Variants in MVP observed in about 807,000 individuals in gnomAD.
MVP encodes the protein lung resistance-related protein.
Under a neutral mutation model 83.5 loss-of-function variants are expected in MVP, and 62 were observed. That is an observed-to-expected ratio of 0.74 (90% confidence interval 0.61 to 0.92). MVP has a LOEUF of 0.92. Ranked by LOEUF, MVP falls within the 40% of genes least tolerant of loss-of-function variation. The pLI is 0.00. For missense variants in MVP, 1,000 were observed against 1,203.4 expected, an observed-to-expected ratio of 0.83 and a Z score of 2.50; for synonymous variants, 505 against 504.1, an observed-to-expected ratio of 1.00 and a Z score of -0.02.
intron 6 of MVP, among the ~76,000 whole-genome samples, chr16:29,836,020 A>G (rs1224169791): frequency 1.3e-5 from 2 of 151,996 alleles, no homozygotes; most frequent in East Asian, 1.9e-4. Context: ...AATCTCAGCA[A>G]TTTGGAAGGC....
At chr16:29,842,291 T>C (rs760755655) in intron 10 of MVP, among the ~76,000 whole-genome samples, 179 bp downstream of exon 10, 7 of 151,828 alleles carry the variant, frequency 4.6e-5, no homozygotes, top group Admixed American at 6.6e-5. Context: ...GTTTTTTTAG[T>C]TTTTTGGTTT....
At chr16:29,820,581 T>C (rs1021340810) in intron 1 of MVP, 71 bp downstream of exon 1, 1 of 152,382 alleles carries the variant, frequency 6.6e-6, no homozygotes, top group Non-Finnish European at 1.5e-5. Flanking sequence ...AGGCTCTCTT[T>C]AGTCCTGTCT....
chr16:29,840,340 C>T lies in MVP; in HGVS notation c.1072C>T (p.Leu358Phe). ...KVSHQAGDHW[L>F]IRGPLEYVPS... ...CTCACACCAGGCTGGGGACCACTGG[C>T]TCATCCGCGGACCCCTGGAGTATGT... is the stretch of plus-strand genomic sequence containing the variant. The change falls in exon 8 of 15, where the codon CTC (leucine) becomes TTC (phenylalanine). Residue 358 changes from leucine to phenylalanine, a missense_variant. Leu to Phe is a conservative substitution (Grantham distance 22, BLOSUM62 0). Coordinates refer to ENST00000357402, the MANE Select transcript of MVP (RefSeq NM_005115.5). The T allele has an allele frequency of 6.2e-7, 1 of 1,610,042 alleles. No homozygotes were observed. The highest frequency in any genetic ancestry group is 1.1e-5 in the South Asian group (1 of 90,512).
chr16:29,826,585 G>A (rs1172680818), intron 1 of MVP, among the ~76,000 whole-genome samples: 1 of 144,734 alleles, frequency 6.9e-6, no homozygotes, highest in Non-Finnish European at 1.5e-5. Context: ...TGTGATCACT[G>A]CACTCCAGCC....
Position 29,833,728 on chromosome 16 carries a change from A to G in MVP, c.322-5A>G, listed in dbSNP as rs2067462806. The G allele has an allele frequency of 5.0e-6, 8 of 1,613,916 alleles. No homozygotes were observed. Among genetic ancestry groups the G allele is most frequent in the African/African-American group, 2.7e-5 (2 of 74,996 alleles). On this transcript the variant is annotated splice_polypyrimidine_tract_variant and splice_region_variant and intron_variant, in intron 3 of 14. Transcript: ENST00000357402. The stretch of plus-strand genomic sequence containing the variant: ...GTTCTGTGTCTCCACCTTCTTCCCC[A>G]CTAGGACATCACACCCCTGCAGGTG...
Position 29,847,265 on chromosome 16 carries a change from G to T in MVP, c.2334G>T (p.Glu778Asp). The change falls in exon 14 of 15, where the codon GAG becomes GAT. Residue 778 changes from glutamate to aspartate, a missense_variant. Physicochemically the swap from Glu to Asp is conservative, Grantham distance 45. Transcript: ENST00000357402. Reference protein sequence around the residue: ...LELVYARAQLELEVSKAQQLA... With the variant: ...LELVYARAQLDLEVSKAQQLA... The stretch of plus-strand genomic sequence containing the variant: ...TGGTCTATGCCCGGGCCCAGCTGGA[G>T]CTGGAGGTGAGCAAGGCTCAGCAGC... 6.2e-7 allele frequency: 1 copy of T among 1,613,822 alleles called. No homozygotes were observed. The highest frequency in any genetic ancestry group is 8.5e-7 in the Non-Finnish European group (1 of 1,180,006).
At chr16:29,821,647 C>G (rs758836885) in intron 1 of MVP, among the ~76,000 whole-genome samples, 16 of 152,164 alleles carry the variant, frequency 1.1e-4, no homozygotes, top group Non-Finnish European at 1.9e-4. Flanking sequence ...CCACTGCCTC[C>G]TAGTTTGTGG....
rs189969081 is a variant in MVP at position 29,837,050 on chromosome 16, C to T, written c.909+92C>T. ...CTCTGCCTTCTCTCCTCCAGACGCA[C>T]GTTCTAGGAACACCTTCTGTGCCTT... On this transcript the variant is annotated intron_variant, in intron 7 of 14. Coordinates refer to ENST00000357402, the MANE Select transcript of MVP (RefSeq NM_005115.5). 30 of 1,179,174 alleles carry T rather than the reference C, an allele frequency of 2.5e-5. No homozygotes were observed. The East Asian group carries it at 7.1e-4, about 28-fold the overall frequency. The allele number at this position is 1,179,174 out of a possible 1,614,324, so 73.0% of individuals were successfully genotyped here.
intron 1 of MVP, among the ~76,000 whole-genome samples, chr16:29,823,621 A>G (rs1454199548): frequency 6.6e-6 from 1 of 152,086 alleles, no homozygotes; most frequent in East Asian, 1.9e-4. Flanking sequence ...TGGGAGGCCA[A>G]GGCAGGCGGA....
rs1276099001 is a variant in MVP, at chr16:29,833,582, T to G, written c.322-151T>G. The G allele has an allele frequency of 3.1e-6, 3 of 983,588 alleles. No homozygotes were observed. In the East Asian group the frequency reaches 8.4e-5, roughly 28 times the overall value. 60.9% of individuals were successfully genotyped at this position (983,588 alleles called of 1,614,324 possible). A position where few individuals can be genotyped will look rare whatever the true frequency, so the allele number is the denominator to read the frequency against. ...ACCTCAGTCTCCCAAAGTTCTGGGATGACAGGTGTGAGCCACTGTGCCCGG... is the reference window on the plus strand; with the variant it reads ...ACCTCAGTCTCCCAAAGTTCTGGGAGGACAGGTGTGAGCCACTGTGCCCGG... On this transcript the variant is annotated intron_variant, in intron 3 of 14. Coordinates refer to ENST00000357402, the MANE Select transcript of MVP (RefSeq NM_005115.5).
In MVP at chr16:29,844,602, G is replaced by A; in HGVS notation, c.1744G>A (p.Ala582Thr). ...CKAIASRVRG[A>T]VASVTFDDFH... ...AGCCATCGCATCCCGGGTGCGGGGG[G>A]CCGTGGCCTCTGTCACTTTCGATGA... The change falls in exon 11 of 15, where the codon GCC (alanine) becomes ACC (threonine). Residue 582 changes from alanine (A) to threonine (T), a missense_variant. Ala to Thr is a moderately conservative substitution (Grantham distance 58, BLOSUM62 0). Coordinates refer to ENST00000357402, the MANE Select transcript of MVP (RefSeq NM_005115.5). 6.2e-7 allele frequency: 1 copy of A among 1,613,706 alleles called. No homozygotes were observed. The highest frequency in any genetic ancestry group is 8.5e-7 in the Non-Finnish European group (1 of 1,179,786).
At chr16:29,843,620 C>T (rs1483070693) in intron 10 of MVP, among the ~76,000 whole-genome samples, 2 of 128,772 alleles carry the variant, frequency 1.6e-5, no homozygotes, top group African/African-American at 6.4e-5. Context: ...GGCGTGGTGG[C>T]TCATGCCTGT....
At chr16:29,834,104 G>A in intron 5 of MVP, 38 bp downstream of exon 5, 2 of 1,604,496 alleles carry the variant, frequency 1.2e-6, no homozygotes, top group Non-Finnish European at 8.5e-7. Flanking sequence ...GGGTGGGCAG[G>A]AGGGGTCCCC....
At chr16:29,828,663 A>T (rs2067420073) in intron 1 of MVP, among the ~76,000 whole-genome samples, 1 of 152,166 alleles carries the variant, frequency 6.6e-6, no homozygotes, top group Admixed American at 6.5e-5. Flanking sequence ...TACAGGCTTG[A>T]GCCACCACGC....
At chr16:29,843,425 T>G (rs2067550458) in intron 10 of MVP, among the ~76,000 whole-genome samples, 1 of 148,812 alleles carries the variant, frequency 6.7e-6, no homozygotes, top group South Asian at 2.1e-4. Context: ...AGCCCAGGAA[T>G]TTGAGGCTGC....
At position 29,830,548 on chromosome 16, in the gene MVP, C is replaced by T. The variant is rs1178086812; in HGVS notation, c.-2C>T. ...TTGTGAGCCCTGGGCTTAGGAGTCA[C>T]CATGGCAACTGAAGAGTTCATCATC... On this transcript the variant is annotated 5_prime_UTR_variant, in exon 2 of 15. Transcript: ENST00000357402. The T allele has an allele frequency of 3.1e-6, 5 of 1,613,834 alleles. No individual in the cohort carries two copies. The highest frequency in any genetic ancestry group is 1.7e-5 in the Admixed American group (1 of 59,974).
chr16:29,844,173 C>T (rs893296293), intron 10 of MVP, among the ~76,000 whole-genome samples: 2 of 152,194 alleles, frequency 1.3e-5, no homozygotes, highest in Non-Finnish European at 2.9e-5. Flanking sequence ...TGATCATTGC[C>T]ATCTCATAGG....
intron 10 of MVP, among the ~76,000 whole-genome samples, chr16:29,844,276 G>A (rs1030683683): frequency 3.9e-5 from 6 of 152,168 alleles, no homozygotes; most frequent in East Asian, 1.9e-4. Context: ...GACCCTGCCC[G>A]GCCACACAGG....
chr16:29,843,493 CCTGT>C (rs2067550829), intron 10 of MVP, among the ~76,000 whole-genome samples: 1 of 100,622 alleles, frequency 9.9e-6, no homozygotes, highest in Non-Finnish European at 2.0e-5. Flanking sequence ...CCACAGAGAC[CCTGT>C]CTCGGAGGAA....
Sources: gnomAD v4.1 joint callset for allele counts (sites outside exome capture counted in the v4.1 genomes callset) on GRCh38, gnomAD v4.1.1 for gene constraint, MANE v1.5 for transcripts, NCBI Gene and HGNC (gene_info 2026-07-23, HGNC 2026-07-21) for gene names.